TENM2: variants seen among roughly 807,000 people sequenced by gnomAD.
TENM2 encodes teneurin transmembrane protein 2, also known as teneurin-2.
TENM2 carries 52 observed loss-of-function variants against 245.2 expected under a neutral mutation model. The observed-to-expected ratio is 0.21, with a 90% CI of 0.17 to 0.27. TENM2 has a LOEUF of 0.27. Among genes scored for constraint, TENM2 ranks in the 10% least tolerant of loss-of-function variants. The pLI, the probability that TENM2 is intolerant of heterozygous loss-of-function variation, is 1.00. For missense variants in TENM2, 3,046 were observed against 3,666.8 expected (o/e 0.83, Z 4.37); for synonymous variants, 1,363 against 1,438.9 (o/e 0.95, Z 1.19).
At chr5:167,192,225 C>A in the TENM2 span, among the ~76,000 whole-genome samples, 5 of 152,102 alleles carry the variant, frequency 3.3e-5, no homozygotes, top group East Asian at 9.7e-4. Context: ...CACAGTGATT[C>A]ATGGAGCAAC....
Position 168,098,605 on chromosome 5 carries a change from G to A in TENM2, c.1813+478G>A, listed in dbSNP as rs75164494. 2.0e-5 allele frequency among the ~76,000 whole-genome samples: 3 copies of A among 152,226 alleles called. No homozygotes were observed. The East Asian group carries it at 5.8e-4, about 29-fold the overall frequency. ...CACTGCTGTGCACAGAATAGCTGGA[G>A]CCCTGAGATTCTTGGGGGAAAGGTA... On this transcript the variant is annotated intron_variant, in intron 9 of 28. Coordinates refer to ENST00000518659, the Ensembl canonical transcript of TENM2.
At chr5:168,227,339 G>A (rs1474872248) in intron 24 of TENM2, among the ~76,000 whole-genome samples, 1 of 152,110 alleles carries the variant, frequency 6.6e-6, no homozygotes, top group Non-Finnish European at 1.5e-5. Context: ...GAGTGGGGGT[G>A]GTATCAGGTG....
chr5:167,700,398 C>T (rs1758059799), intron 2 of TENM2, among the ~76,000 whole-genome samples: 1 of 152,174 alleles, frequency 6.6e-6, no homozygotes, highest in Admixed American at 6.5e-5. Flanking sequence ...TGGGCAGGGG[C>T]CTGCATGTTC....
At chr5:168,071,486 A>C (rs1268246867) in intron 7 of TENM2, among the ~76,000 whole-genome samples, 1 of 152,196 alleles carries the variant, frequency 6.6e-6, no homozygotes, top group Non-Finnish European at 1.5e-5. Flanking sequence ...TTTTATAAAC[A>C]CAGGATCATA....
At chr5:167,853,297 A>AAAAAAAAAAAAAAAAAAAAAAAAAAAAG (rs1561856624) in intron 2 of TENM2, among the ~76,000 whole-genome samples, 8 of 141,504 alleles carry the variant, frequency 5.7e-5, no homozygotes, top group African/African-American at 2.1e-4. Context: ...CTCAAAAAAA[A>AAAAAAAAAAAAAAAAAAAAAAAAAAAAG]AAAAAAAAAA....
intron 1 of TENM2, among the ~76,000 whole-genome samples, chr5:167,368,251 T>C (rs966748185): frequency 5.3e-5 from 8 of 152,168 alleles, no homozygotes; most frequent in African/African-American, 7.2e-5. Context: ...CATAGTTCAG[T>C]TTAAATTTAA....
the TENM2 span, among the ~76,000 whole-genome samples, chr5:167,158,632 A>G: frequency 6.6e-6 from 1 of 152,114 alleles, no homozygotes; most frequent in Admixed American, 6.6e-5. Context: ...TCTTCTCCTT[A>G]TATCTTCACA....
chr5:167,435,349 T>C (rs959280252), intron 2 of TENM2, among the ~76,000 whole-genome samples: 1 of 152,188 alleles, frequency 6.6e-6, no homozygotes, highest in South Asian at 2.1e-4. Flanking sequence ...TACGCTGTTA[T>C]CGTGATATTG....
intron 2 of TENM2, among the ~76,000 whole-genome samples, chr5:167,683,344 T>C (rs1280431679): frequency 6.6e-6 from 1 of 152,070 alleles, no homozygotes; most frequent in Non-Finnish European, 1.5e-5. Flanking sequence ...TCCTAGTTGC[T>C]GAAAAGAAAG....
chr5:167,052,517 G>A, the TENM2 span, among the ~76,000 whole-genome samples: 1 of 152,104 alleles, frequency 6.6e-6, no homozygotes, highest in African/African-American at 2.4e-5. Context: ...AAAGAGCATT[G>A]TAGTATATGA....
chr5:167,582,210 A>G (rs1282301264), intron 2 of TENM2, among the ~76,000 whole-genome samples: 2 of 152,216 alleles, frequency 1.3e-5, no homozygotes, highest in Non-Finnish European at 2.9e-5. Context: ...TCTGAGTTCT[A>G]TACAGCATTC....
chr5:167,087,329 A>G, the TENM2 span, among the ~76,000 whole-genome samples: 44 of 152,318 alleles, frequency 2.9e-4, 1 homozygote, highest in South Asian at 8.7e-3. Flanking sequence ...TGCAATCTAC[A>G]TGAGCAGAAC....
chr5:167,092,901 A>G, the TENM2 span, among the ~76,000 whole-genome samples: 24 of 152,186 alleles, frequency 1.6e-4, no homozygotes, highest in Non-Finnish European at 3.4e-4. Context: ...TCGAGGGTGA[A>G]GATGATAGGA....
chr5:167,770,598 A>G (rs1355230348), intron 2 of TENM2, among the ~76,000 whole-genome samples: 2 of 152,214 alleles, frequency 1.3e-5, no homozygotes, highest in African/African-American at 4.8e-5. Context: ...TTGCTCTTGT[A>G]ACCACCACGT....
chr5:167,715,494 AT>A (rs551529687), intron 2 of TENM2, among the ~76,000 whole-genome samples: 195 of 152,252 alleles, frequency 1.3e-3, no homozygotes, highest in Non-Finnish European at 2.0e-3. Flanking sequence ...TTAAAATATC[AT>A]TTTCAATTGT....
chr5:167,342,428 C>T (rs1758156599), intron 1 of TENM2, among the ~76,000 whole-genome samples: 1 of 149,128 alleles, frequency 6.7e-6, no homozygotes, highest in African/African-American at 2.5e-5. Context: ...ATTCTGTCTA[C>T]ATGACTTACT....
intron 23 of TENM2, among the ~76,000 whole-genome samples, chr5:168,221,607 A>G (rs1166056908): frequency 6.6e-6 from 1 of 152,224 alleles, no homozygotes; most frequent in Non-Finnish European, 1.5e-5. Context: ...AGAAAGGGGT[A>G]GGAAAAAATA....
the TENM2 span, among the ~76,000 whole-genome samples, chr5:167,031,073 G>A: frequency 5.3e-5 from 8 of 152,234 alleles, no homozygotes; most frequent in South Asian, 2.1e-4. Flanking sequence ...CGCGTCTTCC[G>A]AGAAGCAGTT....
At chr5:167,286,015 CTTCCT>C (rs1771323078) in intron 1 of TENM2, among the ~76,000 whole-genome samples, 1 of 152,180 alleles carries the variant, frequency 6.6e-6, no homozygotes, top group Admixed American at 6.6e-5. Context: ...GGTTTCTCAG[CTTCCT>C]TAAACTACTT....
Sources: gnomAD v4.1 joint callset for allele counts (sites outside exome capture counted in the v4.1 genomes callset) on GRCh38, gnomAD v4.1.1 for gene constraint, MANE v1.5 for transcripts, NCBI Gene and HGNC (gene_info 2026-07-23, HGNC 2026-07-21) for gene names.